GALNT10: variants seen among roughly 807,000 people sequenced by gnomAD.
The protein encoded by GALNT10 is polypeptide N-acetylgalactosaminyltransferase 10.
GALNT10 carries 41 observed loss-of-function variants against 75.0 expected under a neutral mutation model. That is an observed-to-expected ratio of 0.55 (90% confidence interval 0.43 to 0.71). The LOEUF is 0.71. Ranked by LOEUF, GALNT10 falls within the 30% of genes least tolerant of loss-of-function variation. The pLI, the probability that GALNT10 is intolerant of heterozygous loss-of-function variation, is 0.00. For synonymous variants in GALNT10, 302 were observed against 313.0 expected (o/e 0.96, Z 0.37); for missense variants, 727 against 818.5 (o/e 0.89, Z 1.36).
At chr5:154,297,871 C>T (rs1442789371) in intron 2 of GALNT10, 70 bp from the exon 3 acceptor site, 2 of 1,344,204 alleles carry the variant, frequency 1.5e-6, no homozygotes, top group African/African-American at 2.9e-5. Flanking sequence ...TATTTTTCAT[C>T]CTTTTTCCCC....
intron 1 of GALNT10, among the ~76,000 whole-genome samples, chr5:154,281,534 G>A (rs1754038353): frequency 6.6e-6 from 1 of 152,116 alleles, no homozygotes; most frequent in South Asian, 2.1e-4. Flanking sequence ...TGGAGACCTG[G>A]AAAGACAAGG....
intron 1 of GALNT10, among the ~76,000 whole-genome samples, chr5:154,281,659 T>C (rs769954344): frequency 3.3e-5 from 5 of 152,222 alleles, no homozygotes; most frequent in Non-Finnish European, 5.9e-5. Flanking sequence ...AAGCTGTTCC[T>C]CAGTCTTTCA....
intron 10 of GALNT10, 89 bp from the exon 11 acceptor site, chr5:154,415,694 G>A: frequency 8.1e-7 from 1 of 1,230,024 alleles, no homozygotes; most frequent in South Asian, 1.4e-5. Flanking sequence ...GGACCTCTGA[G>A]TTTAAATTTT....
At chr5:154,400,569 G>A (rs1756141549) in intron 7 of GALNT10, among the ~76,000 whole-genome samples, 1 of 152,214 alleles carries the variant, frequency 6.6e-6, no homozygotes, top group Non-Finnish European at 1.5e-5. Flanking sequence ...TAGGGAGAAG[G>A]TGCACTGGAC....
At chr5:154,297,730 G>T (rs1449288954) in intron 2 of GALNT10, among the ~76,000 whole-genome samples, 1 of 152,226 alleles carries the variant, frequency 6.6e-6, no homozygotes, top group Non-Finnish European at 1.5e-5. Flanking sequence ...CCGCAGAGCT[G>T]CTGTGATTAC....
chr5:154,396,507 C>A (rs1756022394), intron 7 of GALNT10, among the ~76,000 whole-genome samples: 1 of 51,794 alleles, frequency 1.9e-5, no homozygotes, highest in Non-Finnish European at 3.0e-5. Flanking sequence ...CTTAGGAAAA[C>A]ACAGTCTCTG....
At chr5:154,350,163 A>G (rs1455123637) in intron 4 of GALNT10, among the ~76,000 whole-genome samples, 1 of 151,186 alleles carries the variant, frequency 6.6e-6, no homozygotes, top group African/African-American at 2.4e-5. Flanking sequence ...TTGTTTCTTT[A>G]CTTCTCTAAT....
In GALNT10 at chr5:154,386,310, C is replaced by A; in HGVS notation, c.939-3C>A. 2.5e-6 allele frequency: 4 copies of A among 1,608,464 alleles called. No individual in the cohort carries two copies. Among genetic ancestry groups the A allele is most frequent in the African/African-American group, 2.7e-5 (2 of 74,950 alleles). ...TTCACACCATGTTCTTCTTCTCTGA[C>A]AGGTCTCCCGTGATGGCCGGTGGAC... On this transcript the variant is annotated splice_polypyrimidine_tract_variant and splice_region_variant and intron_variant, in intron 6 of 11. Transcript: ENST00000297107.
At chr5:154,325,561 T>A (rs550170881) in intron 3 of GALNT10, among the ~76,000 whole-genome samples, 8 of 150,916 alleles carry the variant, frequency 5.3e-5, no homozygotes, top group Non-Finnish European at 1.0e-4. Flanking sequence ...GTTCAATATA[T>A]GAAAATCAGT....
intron 6 of GALNT10, among the ~76,000 whole-genome samples, chr5:154,384,693 T>G (rs1755784605): frequency 6.6e-6 from 1 of 152,224 alleles, no homozygotes; most frequent in Admixed American, 6.5e-5. Flanking sequence ...CACGCCCTGT[T>G]CTTTGCATGC....
In GALNT10 at chr5:154,417,057, C is replaced by A; in HGVS notation, c.*85C>A. The A allele has an allele frequency of 7.9e-7, 1 of 1,273,662 alleles. No homozygotes were observed. Among genetic ancestry groups the A allele is most frequent in the Non-Finnish European group, 1.1e-6 (1 of 889,890 alleles). The allele number at this position is 1,273,662 out of a possible 1,614,324, so 78.9% of individuals were successfully genotyped here. A position where few individuals can be genotyped will look rare whatever the true frequency, so the allele number is the denominator to read the frequency against. ...TCAAGGGAGGCAGGGCCCCTGTGGG[C>A]ACTAGGTGTAAAAGGTGCTGGCCAA... is the stretch of plus-strand genomic sequence containing the variant. On this transcript the variant is annotated 3_prime_UTR_variant, in exon 12 of 12. Transcript: ENST00000297107.
At chr5:154,193,536 G>A (rs1321175467) in intron 1 of GALNT10, among the ~76,000 whole-genome samples, 1 of 152,166 alleles carries the variant, frequency 6.6e-6, no homozygotes, top group East Asian at 1.9e-4. Context: ...TTTTCAACAG[G>A]GCTGACCAGT....
intron 1 of GALNT10, among the ~76,000 whole-genome samples, chr5:154,282,161 G>A (rs1217173146): frequency 2.0e-5 from 3 of 152,130 alleles, no homozygotes; most frequent in African/African-American, 7.2e-5. Flanking sequence ...GAGATGGTTG[G>A]GACCAAATTC....
At position 154,380,515 on chromosome 5, in the gene GALNT10, T is replaced by G. The variant is rs769124558; in HGVS notation, c.822T>G (p.Phe274Leu). 5 of 1,613,896 alleles carry G rather than the reference T, an allele frequency of 3.1e-6. No individual in the cohort carries two copies. The highest frequency in any genetic ancestry group is 1.1e-5 in the South Asian group (1 of 91,076). ...PMIDVIDHDDFRYETQAGDAM... is the reference protein window; with the variant it reads ...PMIDVIDHDDLRYETQAGDAM... ...TTGATGTAATTGACCATGACGACTT[T>G]CGGTACGAGACACAGGCAGGGGATG... is the stretch of plus-strand genomic sequence containing the variant. Residue 274 changes from phenylalanine (F) to leucine (L), a missense_variant, in exon 6 of 12, where the codon TTT (phenylalanine) becomes TTG (leucine). Phe to Leu is a conservative substitution (Grantham distance 22). Coordinates refer to ENST00000297107, the MANE Select transcript of GALNT10 (RefSeq NM_198321.4).
chr5:154,336,015 C>T (rs1175517215), intron 4 of GALNT10, among the ~76,000 whole-genome samples: 2 of 152,180 alleles, frequency 1.3e-5, no homozygotes, highest in Non-Finnish European at 2.9e-5. Flanking sequence ...CCCTGGCAAC[C>T]ACCAATCATT....
At position 154,409,686 on chromosome 5, in the gene GALNT10, G is replaced by A; in HGVS notation, c.1310G>A (p.Trp437Ter). 1 of 1,614,168 alleles carries A rather than the reference G, an allele frequency of 6.2e-7. No homozygotes were observed. Among genetic ancestry groups the A allele is most frequent in the Non-Finnish European group, 8.5e-7 (1 of 1,180,016 alleles). ...RSSLNCKSFKWFMTKIAWDLP... is the reference protein window; with the variant it reads ...RSSLNCKSFK ...TCCCTTAACTGCAAGAGTTTCAAGT[G>A]GTTTATGACGAAGATAGCCTGGGAC... The change falls in exon 9 of 12, where the codon TGG becomes TAG. Residue 437 changes from tryptophan (W) to a stop codon, truncating the protein, a stop_gained. Coordinates refer to ENST00000297107, the MANE Select transcript of GALNT10 (RefSeq NM_198321.4). LOFTEE classifies it high-confidence loss of function. This position sits in a 1 kb window ranked among gnomAD's most constrained non-coding sequence, Gnocchi z 4.5.
At chr5:154,272,831 G>A (rs536989963) in intron 1 of GALNT10, among the ~76,000 whole-genome samples, 18 of 152,278 alleles carry the variant, frequency 1.2e-4, no homozygotes, top group African/African-American at 4.1e-4. Context: ...GGCTCGGAGT[G>A]CTCTGTCTTA....
Position 154,416,161 on chromosome 5 carries a change from C to A in GALNT10, c.1653+229C>A, listed in dbSNP as rs373885478. 2.0e-5 allele frequency among the ~76,000 whole-genome samples: 3 copies of A among 152,234 alleles called. No individual in the cohort carries two copies. In the South Asian group the frequency reaches 6.2e-4, roughly 32 times the overall value. ...TTCCATTTAAAAAGAAAAGTGCAGC[C>A]GGGCACAGTGGCTCATGCCTGTAAT... On this transcript the variant is annotated intron_variant, in intron 11 of 11. Coordinates refer to ENST00000297107, the MANE Select transcript of GALNT10 (RefSeq NM_198321.4). This position sits in a 1 kb window ranked among gnomAD's most constrained non-coding sequence, Gnocchi z 4.5.
rs1307944155 is a variant in GALNT10 at position 154,409,993 on chromosome 5, C to T, written c.1386+231C>T. Among the ~76,000 whole-genome samples, 2 of 152,300 alleles carry T rather than the reference C, an allele frequency of 1.3e-5. No individual in the cohort carries two copies. Among genetic ancestry groups the T allele is most frequent in the East Asian group, 3.9e-4 (2 of 5,186 alleles). On this transcript the variant is annotated intron_variant, in intron 9 of 11. Transcript: ENST00000297107. The surrounding 1 kb of genome is among the most constrained non-coding windows in gnomAD (Gnocchi z 4.5). ...CTTTAAGTTATTAGCATGAATTTTA[C>T]CTTTCATCTTTATATTATGCAGTGA...
Sources: allele counts gnomAD v4.1 joint callset (sites outside exome capture counted in the v4.1 genomes callset), GRCh38; gene constraint gnomAD v4.1.1; non-coding constraint Gnocchi (gnomAD v3.1); transcripts MANE v1.5; gene names NCBI Gene and HGNC (gene_info 2026-07-23, HGNC 2026-07-21).